The following COL4A3 variants were observed in gnomAD, a reference collection of about 807,000 sequenced individuals.
The protein encoded by COL4A3 is collagen alpha-3(IV) chain.
A neutral mutation model predicts 217.4 loss-of-function variants in COL4A3; 135 were observed. The observed-to-expected ratio is 0.62, with a 90% CI of 0.54 to 0.72. The LOEUF (loss-of-function observed/expected upper bound fraction) is 0.72. COL4A3 is among the 30% of genes least tolerant of loss of function. The pLI, the probability that COL4A3 is intolerant of heterozygous loss-of-function variation, is 0.00. For missense variants in COL4A3, 1,868 were observed against 2,119.9 expected (o/e 0.88, Z 2.33); for synonymous variants, 690 against 736.3 (o/e 0.94, Z 1.02).
chr2:227,232,659 T>A (rs2068469619), intron 1 of COL4A3, among the ~76,000 whole-genome samples: 1 of 152,218 alleles, frequency 6.6e-6, no homozygotes, highest in South Asian at 2.1e-4. Flanking sequence ...CTGTTTGCTA[T>A]CTGTATGTCT....
In COL4A3 at chr2:227,164,931, C is replaced by A. The variant is rs2065168225; in HGVS notation, c.87+118C>A. ...AGTGGAGCGGCTGCCGGGCTAGTGG[C>A]GAGGCTGAGGGCTTCACGCAGGTCC... On this transcript the variant is annotated intron_variant, in intron 1 of 51. Coordinates refer to ENST00000396578, the MANE Select transcript of COL4A3 (RefSeq NM_000091.5). This position sits in a 1 kb window ranked among gnomAD's most constrained non-coding sequence, Gnocchi z 4.8. The A allele has an allele frequency of 4.8e-6, 6 of 1,241,790 alleles. No individual in the cohort carries two copies. The highest frequency in any genetic ancestry group is 2.9e-4 in the Middle Eastern group (1 of 3,492). The allele number at this position is 1,241,790 out of a possible 1,614,324, so 76.9% of individuals were successfully genotyped here.
Position 227,171,956 on chromosome 2 carries a change from G to A in COL4A3, c.87+7143G>A, listed in dbSNP as rs539675899. On this transcript the variant is annotated intron_variant, in intron 1 of 51. Transcript: ENST00000396578. ...CCTTCTCTCCTGATTCTTCCCTTGG[G>A]GTGGGCTGTCCGCATGCGCAGTGGC... Among the ~76,000 whole-genome samples, 607 of 152,248 alleles carry A rather than the reference G, an allele frequency of 4.0e-3. 3 individuals are homozygous for A. Among genetic ancestry groups the A allele is most frequent in the Admixed American group, 5.4e-3 (83 of 15,290 alleles).
At chr2:227,224,165 G>A (rs2067963865) in intron 1 of COL4A3, among the ~76,000 whole-genome samples, 1 of 152,204 alleles carries the variant, frequency 6.6e-6, no homozygotes, top group South Asian at 2.1e-4. Context: ...TTGGAGTAAT[G>A]ACTATGAGAC....
chr2:227,298,555 TC>T, intron 42 of COL4A3, 126 bp from the exon 43 acceptor site: 1 of 1,360,608 alleles, frequency 7.3e-7, no homozygotes, highest in Non-Finnish European at 1.0e-6. Flanking sequence ...CATCACATGC[TC>T]CAGGGGAAAG....
intron 1 of COL4A3, among the ~76,000 whole-genome samples, chr2:227,208,470 G>T (rs950340975): frequency 4.6e-5 from 7 of 151,994 alleles, no homozygotes; most frequent in Non-Finnish European, 8.8e-5. Context: ...CAACCCAGTT[G>T]TACCAATGCA....
chr2:227,173,962 G>A (rs78373165), intron 1 of COL4A3, among the ~76,000 whole-genome samples: 4,810 of 152,234 alleles, frequency 0.032, 242 homozygotes, highest in African/African-American at 0.11. Context: ...GAGGAGAGTA[G>A]GTGATACAAT....
intron 35 of COL4A3, among the ~76,000 whole-genome samples, chr2:227,289,494 T>TATTATAA (rs1397892442): frequency 6.6e-6 from 1 of 152,252 alleles, no homozygotes; most frequent in Non-Finnish European, 1.5e-5. Context: ...TGCTGATATG[T>TATTATAA]ATTATAAATT....
intron 20 of COL4A3, among the ~76,000 whole-genome samples, chr2:227,262,302 A>C (rs1341229307): frequency 2.0e-5 from 3 of 152,296 alleles, no homozygotes; most frequent in South Asian, 2.1e-4. Flanking sequence ...CCTAAGTAAA[A>C]AAAACAAAAC....
chr2:227,251,276 A>G, intron 10 of COL4A3, 60 bp from the exon 11 acceptor site: 2 of 1,595,178 alleles, frequency 1.3e-6, no homozygotes. Context: ...AAAGTTATTA[A>G]AAGAATTTTT....
intron 1 of COL4A3, among the ~76,000 whole-genome samples, chr2:227,215,419 A>T (rs1287305968): frequency 1.3e-5 from 2 of 152,032 alleles, no homozygotes; most frequent in Non-Finnish European, 2.9e-5. Flanking sequence ...GGCACAAGGT[A>T]TATAACCACC....
At chr2:227,185,014 G>C (rs919963382) in intron 1 of COL4A3, among the ~76,000 whole-genome samples, 2 of 145,974 alleles carry the variant, frequency 1.4e-5, no homozygotes, top group Admixed American at 7.2e-5. Flanking sequence ...CCATTCTCCT[G>C]TCTCAGCCTC....
chr2:227,177,402 G>A (rs372874318), intron 1 of COL4A3, among the ~76,000 whole-genome samples: 16 of 151,754 alleles, frequency 1.1e-4, no homozygotes, highest in African/African-American at 2.7e-4. Context: ...TGATCCGCCC[G>A]CCTCGGCCTC....
At position 227,303,192 on chromosome 2, in the gene COL4A3, G is replaced by A; in HGVS notation, c.3955+82G>A. On this transcript the variant is annotated intron_variant, in intron 44 of 51. Transcript: ENST00000396578. The stretch of plus-strand genomic sequence containing the variant: ...TTAGGGCACACAAGTGTTTGCTGAA[G>A]TACAGACAGCTGGGGTTAGTACAAA... The A allele has an allele frequency of 6.6e-6, 8 of 1,207,876 alleles. No individual in the cohort carries two copies. The South Asian group carries it at 9.7e-5, about 15-fold the overall frequency. 74.8% of individuals were successfully genotyped at this position (1,207,876 alleles called of 1,614,324 possible). A position where few individuals can be genotyped will look rare whatever the true frequency, so the allele number is the denominator to read the frequency against.
Position 227,191,370 on chromosome 2 carries a change from CA to C in COL4A3, c.87+26563del, listed in dbSNP as rs1405763271. Among the ~76,000 whole-genome samples, 1 of 151,760 alleles carries C rather than the reference CA, an allele frequency of 6.6e-6. No individual in the cohort carries two copies. The highest frequency in any genetic ancestry group is 2.4e-5 in the African/African-American group (1 of 41,314). On this transcript the variant is annotated intron_variant, in intron 1 of 51. Transcript: ENST00000396578. The surrounding 1 kb of genome is among the most constrained non-coding windows in gnomAD (Gnocchi z 6.8). ...TCTGAATTCAGACTTTAGGCAAAAA[CA>C]AAAAATTTAAGTGGGTGAGGGGGCA...
intron 1 of COL4A3, among the ~76,000 whole-genome samples, chr2:227,235,185 T>A (rs542477739): frequency 2.0e-5 from 3 of 152,184 alleles, no homozygotes; most frequent in Non-Finnish European, 2.9e-5. Context: ...TTCTGAGGAC[T>A]TGCATTTCTG....
intron 1 of COL4A3, among the ~76,000 whole-genome samples, chr2:227,206,525 G>C (rs1350144645): frequency 1.3e-5 from 2 of 152,194 alleles, no homozygotes; most frequent in African/African-American, 4.8e-5. Flanking sequence ...CAGCTGAGCA[G>C]CAAAAAGTGA....
intron 1 of COL4A3, among the ~76,000 whole-genome samples, chr2:227,183,688 T>C (rs2065927812): frequency 6.6e-6 from 1 of 152,188 alleles, no homozygotes; most frequent in Non-Finnish European, 1.5e-5. Context: ...CATGGATATC[T>C]GCTACTTTCC....
Position 227,293,947 on chromosome 2 carries a change from C to T in COL4A3, c.3338-543C>T, listed in dbSNP as rs756300801. 2.5e-4 allele frequency: 88 copies of T among 351,124 alleles called. 2 individuals carry two copies. The highest frequency in any genetic ancestry group is 5.9e-4 in the South Asian group (26 of 43,886). The allele number at this position is 351,124 out of a possible 1,614,324, so 21.8% of individuals were successfully genotyped here. On this transcript the variant is annotated intron_variant, in intron 38 of 51. Transcript: ENST00000396578. ...TTAATTACCTGTTTACCAGCCCTAT[C>T]CCCAAATACAGAGTCATGTTCCGAA...
intron 1 of COL4A3, among the ~76,000 whole-genome samples, chr2:227,203,910 A>C (rs1394743165): frequency 6.6e-6 from 1 of 152,044 alleles, no homozygotes; most frequent in Non-Finnish European, 1.5e-5. Context: ...CCTCTTAAGC[A>C]TGAGAATTTT....
Sources: allele counts gnomAD v4.1 joint callset (sites outside exome capture counted in the v4.1 genomes callset), GRCh38; gene constraint gnomAD v4.1.1; non-coding constraint Gnocchi (gnomAD v3.1); transcripts MANE v1.5; gene names NCBI Gene and HGNC (gene_info 2026-07-23, HGNC 2026-07-21).